The following MYO5A variants were observed in gnomAD, a reference collection of about 807,000 sequenced individuals.
MYO5A encodes myosin VA.
Under a neutral mutation model 249.7 loss-of-function variants are expected in MYO5A, and 98 were observed. The ratio of observed to expected loss-of-function variants is 0.39; its 90% CI spans 0.33 to 0.46. MYO5A has a LOEUF of 0.46. Ranked by LOEUF, MYO5A falls within the 20% of genes least tolerant of loss-of-function variation. The pLI is 0.98. For missense variants in MYO5A, 1,696 were observed against 2,308.8 expected (o/e 0.73, Z 5.44); for synonymous variants, 778 against 810.6 (o/e 0.96, Z 0.68).
chr15:52,368,745 G>A (rs1027783780), intron 22 of MYO5A, among the ~76,000 whole-genome samples: 1 of 152,158 alleles, frequency 6.6e-6, no homozygotes, highest in African/African-American at 2.4e-5. Flanking sequence ...CTGAACTAAA[G>A]TTAGTGCCTA....
At chr15:52,428,150 T>C (rs1194526844) in intron 3 of MYO5A, among the ~76,000 whole-genome samples, 1 of 152,216 alleles carries the variant, frequency 6.6e-6, no homozygotes, top group Non-Finnish European at 1.5e-5. Flanking sequence ...GACATATGAC[T>C]TCTGTAAGGG....
At chr15:52,399,190 T>C (rs1243614114) in intron 9 of MYO5A, among the ~76,000 whole-genome samples, 1 of 152,214 alleles carries the variant, frequency 6.6e-6, no homozygotes, top group Non-Finnish European at 1.5e-5. Context: ...CCCACTCTGA[T>C]AGCAAATTTG....
rs750283897 is a variant in MYO5A at position 52,416,318 on chromosome 15, T to G, written c.456-17A>C. ...CGTTCATCTCTGTAAAATAAAAATTTTTTAAAAAGTAACTGCCATTGCTGC... is the reference window on the plus strand; with the variant it reads ...CGTTCATCTCTGTAAAATAAAAATTGTTTAAAAAGTAACTGCCATTGCTGC... On this transcript the variant is annotated splice_polypyrimidine_tract_variant and intron_variant, in intron 4 of 41. Coordinates refer to ENST00000399233, the MANE Select transcript of MYO5A (RefSeq NM_001382347.1). 3 of 1,612,912 alleles carry G rather than the reference T, an allele frequency of 1.9e-6. No individual in the cohort carries two copies. The highest frequency in any genetic ancestry group is 1.7e-5 in the Admixed American group (1 of 59,934).
At position 52,337,867 on chromosome 15, in the gene MYO5A, A is replaced by G. The variant is rs930835244; in HGVS notation, c.4257T>C (p.Tyr1419=). 11 of 1,544,410 alleles carry G rather than the reference A, an allele frequency of 7.1e-6. No homozygotes were observed. In the African/African-American group the frequency reaches 1.5e-4, roughly 21 times the overall value. ...ATTGATACTTCTTAGGGTCATCTGC[A>G]TATAATTCCTCAAAATACTGAAAAA... ...TNENLYFEEL[Y]ADDPKKYQSY... The change falls in exon 33 of 42, where the codon TAT becomes TAC. Residue 1419 remains tyrosine (Y), a synonymous_variant. Transcript: ENST00000399233.
Position 52,471,194 on chromosome 15 carries a change from T to C in MYO5A, c.28-37909A>G, listed in dbSNP as rs903280394. ...TAAACTTGACTGCATTTGCACAAAA[T>C]AGTACAGTTATCTTGTCCCTTCCTG... On this transcript the variant is annotated intron_variant, in intron 1 of 41. Transcript: ENST00000399233. 5.3e-5 allele frequency among the ~76,000 whole-genome samples: 8 copies of C among 152,148 alleles called. No homozygotes were observed. In the South Asian group the frequency reaches 1.7e-3, roughly 32 times the overall value.
intron 1 of MYO5A, among the ~76,000 whole-genome samples, chr15:52,495,859 A>G (rs112239287): frequency 4.6e-5 from 7 of 152,068 alleles, no homozygotes; most frequent in African/African-American, 1.7e-4. Flanking sequence ...ACAGTTTCCA[A>G]GTTCATCTGA....
In MYO5A at chr15:52,383,204, C is replaced by T. The variant is rs1262878373; in HGVS notation, c.1915-16G>A. On this transcript the variant is annotated splice_polypyrimidine_tract_variant and intron_variant, in intron 15 of 41. Transcript: ENST00000399233. ...AGTTTCTGAACTGCATGAAAAAGGG[C>T]AGAAGAGGGTATCAAGGCTTTGTCC... 7 of 1,583,454 alleles carry T rather than the reference C, an allele frequency of 4.4e-6. No individual in the cohort carries two copies. The highest frequency in any genetic ancestry group is 5.2e-6 in the Non-Finnish European group (6 of 1,152,342).
At chr15:52,428,910 A>C (rs1196128197) in intron 2 of MYO5A, among the ~76,000 whole-genome samples, 1 of 152,214 alleles carries the variant, frequency 6.6e-6, no homozygotes, top group African/African-American at 2.4e-5. Context: ...GACAATATAA[A>C]AGAGTGGTCG....
At chr15:52,431,697 A>T (rs866305961) in intron 2 of MYO5A, among the ~76,000 whole-genome samples, 2 of 151,756 alleles carry the variant, frequency 1.3e-5, no homozygotes, top group Admixed American at 1.3e-4. Context: ...AAAAAAAAAA[A>T]AAAATAAGCC....
At chr15:52,380,821 T>C (rs1596376666) in intron 16 of MYO5A, among the ~76,000 whole-genome samples, 1 of 152,164 alleles carries the variant, frequency 6.6e-6, no homozygotes, top group East Asian at 1.9e-4. Flanking sequence ...ACTCATTTCA[T>C]GGCATGGCCT....
Position 52,384,165 on chromosome 15 carries a change from T to C in MYO5A, c.1910A>G (p.His637Arg). 6.2e-7 allele frequency: 1 copy of C among 1,614,126 alleles called. No homozygotes were observed. The highest frequency in any genetic ancestry group is 8.5e-7 in the Non-Finnish European group (1 of 1,179,988). ...GCGGCAGCTCCCTGAACTCACCTGA[T>C]GCCCCACTGTTTTCTTGTGCTCTTT... Reference protein sequence around the residue: ...MAKEHKKTVGHQFRNSLHLLM... With the variant: ...MAKEHKKTVGRQFRNSLHLLM... The change falls in exon 15 of 42, where the codon CAT (histidine) becomes CGT (arginine). Residue 637 changes from histidine (H) to arginine (R), a missense_variant. By Grantham distance (29) the His-to-Arg change is conservative (BLOSUM62 0). This residue lies in a region of MYO5A where 277 missense variants were observed against 422.4 expected (regional missense o/e 0.66). Transcript: ENST00000399233.
intron 24 of MYO5A, among the ~76,000 whole-genome samples, chr15:52,363,959 C>T (rs1449089160): frequency 6.6e-6 from 1 of 152,168 alleles, no homozygotes; most frequent in African/African-American, 2.4e-5. Flanking sequence ...GTCCAACTGG[C>T]CGGGCGCAAT....
chr15:52,479,279 AT>A (rs1419703681), intron 1 of MYO5A, among the ~76,000 whole-genome samples: 1 of 152,096 alleles, frequency 6.6e-6, no homozygotes, highest in Non-Finnish European at 1.5e-5. Context: ...CGCCCAGCCA[AT>A]TTTAACTTTT....
At chr15:52,503,840 A>G (rs1045929394) in intron 1 of MYO5A, among the ~76,000 whole-genome samples, 1 of 152,108 alleles carries the variant, frequency 6.6e-6, no homozygotes, top group Admixed American at 6.5e-5. Context: ...CTCTACTTTA[A>G]CTTTCCATAC....
intron 1 of MYO5A, among the ~76,000 whole-genome samples, chr15:52,501,726 A>G (rs1054579910): frequency 1.3e-5 from 2 of 152,180 alleles, no homozygotes; most frequent in Admixed American, 6.5e-5. Context: ...CAATTCAGAT[A>G]TTACATAATT....
intron 1 of MYO5A, among the ~76,000 whole-genome samples, chr15:52,525,124 A>C (rs1221116026): frequency 1.3e-5 from 2 of 152,180 alleles, no homozygotes; most frequent in Middle Eastern, 3.2e-3. Flanking sequence ...GCAAGTCAAG[A>C]CTAGCAAATA....
intron 1 of MYO5A, among the ~76,000 whole-genome samples, chr15:52,490,700 G>A (rs1405381631): frequency 6.6e-6 from 1 of 152,082 alleles, no homozygotes; most frequent in Non-Finnish European, 1.5e-5. Flanking sequence ...TTAGAGATTG[G>A]TTGTACAACA....
chr15:52,433,800 G>A (rs2075596152), intron 1 of MYO5A, among the ~76,000 whole-genome samples: 1 of 151,930 alleles, frequency 6.6e-6, no homozygotes, highest in South Asian at 2.1e-4. Flanking sequence ...TATAAAAAGT[G>A]TGCTCTGAAA....
intron 22 of MYO5A, among the ~76,000 whole-genome samples, chr15:52,368,478 GT>G (rs1421760809): frequency 6.6e-6 from 1 of 152,138 alleles, no homozygotes; most frequent in African/African-American, 2.4e-5. Flanking sequence ...AATGCTCTTG[GT>G]TAGGAACCAT....
Sources: allele counts gnomAD v4.1 joint callset (sites outside exome capture counted in the v4.1 genomes callset), GRCh38; gene constraint gnomAD v4.1.1; regional missense constraint gnomAD v4.1.1; transcripts MANE v1.5; gene names NCBI Gene and HGNC (gene_info 2026-07-23, HGNC 2026-07-21).